CNTNAP4: variants seen among roughly 807,000 people sequenced by gnomAD.
CNTNAP4 encodes contactin associated protein family member 4, also known as contactin-associated protein-like 4.
Under a neutral mutation model 148.4 loss-of-function variants are expected in CNTNAP4, and 98 were observed. The observed-to-expected ratio is 0.66, with a 90% CI of 0.56 to 0.78. The LOEUF is 0.78. Ranked by LOEUF, CNTNAP4 falls within the 30% of genes least tolerant of loss-of-function variation. The pLI, the probability that CNTNAP4 is intolerant of heterozygous loss-of-function variation, is 0.00. For missense variants in CNTNAP4, 1,935 were observed against 1,565.6 expected (o/e 1.24, Z -3.98); for synonymous variants, 730 against 565.1 (o/e 1.29, Z -4.14).
At position 76,558,983 on chromosome 16, in the gene CNTNAP4, C is replaced by T. The variant is rs753949116; in HGVS notation, c.*300C>T. 1 of 198,924 alleles carries T rather than the reference C, an allele frequency of 5.0e-6. No individual in the cohort carries two copies. Among genetic ancestry groups the T allele is most frequent in the Non-Finnish European group, 1.0e-5 (1 of 99,226 alleles). The allele number at this position is 198,924 out of a possible 1,614,324, so 12.3% of individuals were successfully genotyped here. On this transcript the variant is annotated 3_prime_UTR_variant, in exon 24 of 24. Transcript: ENST00000611870. ...AGTTTTTACATGTGAAAACTGTAGC[C>T]TTGGTCTCTTAACCATGTAATACAT...
chr16:76,469,367 A>T (rs1286603091), intron 10 of CNTNAP4: 3 of 152,198 alleles, frequency 2.0e-5, no homozygotes, highest in African/African-American at 7.2e-5. Flanking sequence ...TCTGGAACCT[A>T]AAACCTGATT....
At chr16:76,432,073 G>A (rs879314944) in intron 4 of CNTNAP4, among the ~76,000 whole-genome samples, 1 of 152,090 alleles carries the variant, frequency 6.6e-6, no homozygotes, top group Non-Finnish European at 1.5e-5. Context: ...TAACAAATGC[G>A]TGAAGTGCTA....
intron 10 of CNTNAP4, among the ~76,000 whole-genome samples, chr16:76,473,735 C>T (rs1301047612): frequency 6.6e-6 from 1 of 152,114 alleles, no homozygotes; most frequent in African/African-American, 2.4e-5. Context: ...GATCGCGCCA[C>T]TGCACTACAG....
At chr16:76,488,010 T>C (rs967285755) in intron 12 of CNTNAP4, among the ~76,000 whole-genome samples, 4 of 152,134 alleles carry the variant, frequency 2.6e-5, no homozygotes, top group Non-Finnish European at 5.9e-5. Flanking sequence ...TTGCATGCCA[T>C]TGATTTACCG....
At chr16:76,417,054 G>C (rs927892331) in intron 3 of CNTNAP4, among the ~76,000 whole-genome samples, 8 of 151,202 alleles carry the variant, frequency 5.3e-5, no homozygotes, top group Non-Finnish European at 8.9e-5. Flanking sequence ...TAGTGTTAAC[G>C]TGTGATATAT....
chr16:76,306,093 C>T (rs1373087936), intron 1 of CNTNAP4, among the ~76,000 whole-genome samples: 1 of 152,116 alleles, frequency 6.6e-6, no homozygotes, highest in Non-Finnish European at 1.5e-5. Flanking sequence ...CACATCTTTG[C>T]TATTCTGAAC....
intron 3 of CNTNAP4, among the ~76,000 whole-genome samples, chr16:76,403,650 G>A (rs2078498399): frequency 6.6e-6 from 1 of 152,158 alleles, no homozygotes; most frequent in Admixed American, 6.5e-5. Flanking sequence ...ATTCCTCAAA[G>A]AGCTAAGAAC....
At chr16:76,546,391 T>C (rs2084735434) in intron 21 of CNTNAP4, among the ~76,000 whole-genome samples, 1 of 152,152 alleles carries the variant, frequency 6.6e-6, no homozygotes, top group South Asian at 2.1e-4. Context: ...ACCTGAGCTC[T>C]GCCTCCTGTC....
chr16:76,438,412 GT>G (rs2079913828), intron 4 of CNTNAP4, among the ~76,000 whole-genome samples: 1 of 152,114 alleles, frequency 6.6e-6, no homozygotes, highest in Non-Finnish European at 1.5e-5. Context: ...ACACCTTGGA[GT>G]TTTACTGAAA....
intron 15 of CNTNAP4, among the ~76,000 whole-genome samples, chr16:76,520,224 C>T (rs2083403453): frequency 6.6e-6 from 1 of 152,270 alleles, no homozygotes; most frequent in African/African-American, 2.4e-5. Context: ...CCTCCTGTAT[C>T]CAGTCGGATT....
Position 76,467,492 on chromosome 16 carries a change from C to G in CNTNAP4, c.1624C>G (p.Leu542Val), listed in dbSNP as rs780486324. 6.2e-7 allele frequency: 1 copy of G among 1,613,514 alleles called. No homozygotes were observed. The highest frequency in any genetic ancestry group is 8.5e-7 in the Non-Finnish European group (1 of 1,179,750). ...GGGGTCCCTTGGGAACTTCAGTGAC[C>G]TTCAGATAGACTCATGTGGCATCTC... is the stretch of plus-strand genomic sequence containing the variant. Reference protein sequence around the residue: ...QQGSLGNFSDLQIDSCGISDR... With the variant: ...QQGSLGNFSDVQIDSCGISDR... The change falls in exon 10 of 24, where the codon CTT becomes GTT. Residue 542 changes from leucine (L) to valine (V), a missense_variant. Transcript: ENST00000611870.
intron 3 of CNTNAP4, among the ~76,000 whole-genome samples, chr16:76,386,809 AC>A (rs1465852360): frequency 6.6e-6 from 1 of 152,152 alleles, no homozygotes; most frequent in Non-Finnish European, 1.5e-5. Flanking sequence ...TAGTAAGATT[AC>A]CCTGGATTAC....
At chr16:76,417,504 C>T (rs761387817) in intron 3 of CNTNAP4, among the ~76,000 whole-genome samples, 1 of 151,572 alleles carries the variant, frequency 6.6e-6, no homozygotes. Flanking sequence ...TACCTGACAA[C>T]ATTCATTTGT....
chr16:76,339,763 C>T (rs1227230524), intron 2 of CNTNAP4, among the ~76,000 whole-genome samples: 1 of 152,130 alleles, frequency 6.6e-6, no homozygotes, highest in Non-Finnish European at 1.5e-5. Context: ...TAATGAGAAG[C>T]CTCGCTTTTA....
chr16:76,408,844 A>G (rs1164441661), intron 3 of CNTNAP4, among the ~76,000 whole-genome samples: 1 of 152,030 alleles, frequency 6.6e-6, no homozygotes, highest in Non-Finnish European at 1.5e-5. Context: ...TTCTCTGAAC[A>G]TGTTCTCTGT....
At chr16:76,494,854 G>C (rs2082344694) in intron 13 of CNTNAP4, 56 bp from the exon 14 acceptor site, 5 of 1,508,828 alleles carry the variant, frequency 3.3e-6, no homozygotes, top group Non-Finnish European at 4.5e-6. Flanking sequence ...ATTATATTGG[G>C]AGAGAAGGTG....
At chr16:76,448,406 G>GT (rs1263362077) in intron 5 of CNTNAP4, among the ~76,000 whole-genome samples, 191 bp downstream of exon 5, 4 of 120,374 alleles carry the variant, frequency 3.3e-5, no homozygotes, top group Non-Finnish European at 7.2e-5. Context: ...AATCTTCAGT[G>GT]TTTTTTTACA....
chr16:76,310,065 TGTAGATA>T lies in CNTNAP4; in HGVS notation c.86-6343_86-6337del, dbSNP rs536250027. On this transcript the variant is annotated intron_variant, in intron 1 of 23. Transcript: ENST00000611870. ...AAGTCTGGCTTCCTGGACTGGCTCC[TGTAGATA>T]GTAGTTTGGCTTCCTGGGCTAGTTG... 8.5e-4 allele frequency among the ~76,000 whole-genome samples: 130 copies of T among 152,274 alleles called. 2 individuals carry two copies. In the Middle Eastern group the frequency reaches 0.034, roughly 40 times the overall value.
At chr16:76,448,260 A>G (rs2080323661) in intron 5 of CNTNAP4, 45 bp downstream of exon 5, 2 of 1,365,014 alleles carry the variant, frequency 1.5e-6, no homozygotes. Context: ...TTATTTAGAT[A>G]TCACCTAAGT....
Sources: allele counts gnomAD v4.1 joint callset (sites outside exome capture counted in the v4.1 genomes callset), GRCh38; gene constraint gnomAD v4.1.1; transcripts MANE v1.5; gene names NCBI Gene and HGNC (gene_info 2026-07-23, HGNC 2026-07-21).